Variants in KCNA2 observed in about 807,000 individuals in gnomAD.
The protein encoded by KCNA2 is potassium voltage-gated channel subfamily A member 2.
KCNA2 carries 11 observed loss-of-function variants against 33.4 expected under a neutral mutation model. The observed-to-expected ratio is 0.33, with a 90% confidence interval of 0.21 to 0.55. The LOEUF is 0.55. Among genes scored for constraint, KCNA2 ranks in the 20% least tolerant of loss-of-function variants. The pLI is 0.93. For synonymous variants in KCNA2, 222 were observed against 231.3 expected (o/e 0.96, Z 0.37); for missense variants, 291 against 621.6 (o/e 0.47, Z 5.66).
In KCNA2 at chr1:110,603,985, G is replaced by A. The variant is rs1346139352; in HGVS notation, c.798C>T (p.Tyr266=). The A allele has an allele frequency of 1.2e-5, 19 of 1,614,226 alleles. No homozygotes were observed. The highest frequency in any genetic ancestry group is 1.6e-5 in the Non-Finnish European group (19 of 1,180,036). The change falls in exon 3 of 3, where the codon TAC becomes TAT. Residue 266 remains tyrosine (Y), a synonymous_variant. Transcript: ENST00000316361. This position sits in a 1 kb window ranked among gnomAD's most constrained non-coding sequence, Gnocchi z 5.7. ...CCAACTCTGTCCCCAGGGTGATGAA[G>A]TAGGGGATGATGGCCACAATGTCAA... is the stretch of plus-strand genomic sequence containing the variant. ...NIIDIVAIIP[Y]FITLGTELAE...
chr1:110,604,897 AG>A lies in KCNA2; in HGVS notation c.-116del. On this transcript the variant is annotated 5_prime_UTR_variant, in exon 3 of 3. Transcript: ENST00000316361. This position sits in a 1 kb window ranked among gnomAD's most constrained non-coding sequence, Gnocchi z 7.6. The stretch of plus-strand genomic sequence containing the variant: ...CAGGAGCATTGGCCTGGTCTCCTGC[AG>A]GAGAGCCCCGAGAGCTCTCTGAGAG... The A allele has an allele frequency of 1.0e-6, 1 of 987,646 alleles. No individual in the cohort carries two copies. The highest frequency in any genetic ancestry group is 1.5e-6 in the Non-Finnish European group (1 of 655,734). The allele number at this position is 987,646 out of a possible 1,614,324, so 61.2% of individuals were successfully genotyped here.
At position 110,602,047 on chromosome 1, in the gene KCNA2, C is replaced by T. The variant is rs1283364881; in HGVS notation, c.*1236G>A. 2 of 1,550,420 alleles carry T rather than the reference C, an allele frequency of 1.3e-6. No individual in the cohort carries two copies. The highest frequency in any genetic ancestry group is 3.9e-5 in the Admixed American group (2 of 50,996). ...CCACAGACCTGCCTGTCATCAGGAC[C>T]AGATGCCCTGGTCCACTGTACAGTC... On this transcript the variant is annotated 3_prime_UTR_variant, in exon 3 of 3. Transcript: ENST00000316361.
chr1:110,594,556 C>T lies in KCNA2; in HGVS notation c.*8727G>A. On this transcript the variant is annotated 3_prime_UTR_variant, in exon 3 of 3. Transcript: ENST00000316361. ...GAGAGGGGTGCAGGGATGCAGAAAA[C>T]CAGGAAGAGGCCAATTTGGCTGGGG... 3 of 985,332 alleles carry T rather than the reference C, an allele frequency of 3.0e-6. No homozygotes were observed. The highest frequency in any genetic ancestry group is 3.6e-6 in the Non-Finnish European group (3 of 829,926). The allele number at this position is 985,332 out of a possible 1,614,324, so 61.0% of individuals were successfully genotyped here.
intron 1 of KCNA2, among the ~76,000 whole-genome samples, chr1:110,612,622 A>G (rs1649912575): frequency 6.6e-6 from 1 of 152,094 alleles, no homozygotes; most frequent in African/African-American, 2.4e-5. Context: ...CTGTCTTCAG[A>G]CTTGTTCCCC....
In KCNA2 at chr1:110,602,818, A is replaced by C. The variant is rs1649418126; in HGVS notation, c.*465T>G. ...CAGGACTGTGTGTTCTTTTCAATGCAAAAATGAGTATGACCTTTTGAACAA... is the reference window on the plus strand; with the variant it reads ...CAGGACTGTGTGTTCTTTTCAATGCCAAAATGAGTATGACCTTTTGAACAA... On this transcript the variant is annotated 3_prime_UTR_variant, in exon 3 of 3. Transcript: ENST00000316361. 1.0e-6 allele frequency: 1 copy of C among 997,798 alleles called. No homozygotes were observed. The highest frequency in any genetic ancestry group is 4.5e-5 in the South Asian group (1 of 21,984). 61.8% of individuals were successfully genotyped at this position (997,798 alleles called of 1,614,324 possible). A position where few individuals can be genotyped will look rare whatever the true frequency, so the allele number is the denominator to read the frequency against.
chr1:110,623,522 C>T (rs541019390), intron 1 of KCNA2, among the ~76,000 whole-genome samples: 4 of 152,230 alleles, frequency 2.6e-5, no homozygotes, highest in Admixed American at 2.0e-4. Context: ...AAAATGAAAA[C>T]ATAGATCCAA....
Position 110,604,284 on chromosome 1 carries a change from T to C in KCNA2, c.499A>G (p.Ile167Val). 1 of 1,614,090 alleles carries C rather than the reference T, an allele frequency of 6.2e-7. No individual in the cohort carries two copies. Reference sequence around the variant, plus strand: ...ATCAGAATCACCATGACAGACACAATAGCTATAATCCTGGCAGGCCCTGAG... The same window carrying C: ...ATCAGAATCACCATGACAGACACAACAGCTATAATCCTGGCAGGCCCTGAG... ...ESSGPARIIA[I>V]VSVMVILISI... Residue 167 changes from isoleucine (I) to valine (V), a missense_variant, in exon 3 of 3, where the codon ATT (isoleucine) becomes GTT (valine). Physicochemically the swap from Ile to Val is conservative, Grantham distance 29. Coordinates refer to ENST00000316361, the MANE Select transcript of KCNA2 (RefSeq NM_004974.4). The surrounding 1 kb of genome is among the most constrained non-coding windows in gnomAD (Gnocchi z 7.6).
In KCNA2 at chr1:110,599,167, G is replaced by T. The variant is rs1649230777; in HGVS notation, c.*4116C>A. 1.1e-5 allele frequency: 11 copies of T among 985,450 alleles called. No homozygotes were observed. The highest frequency in any genetic ancestry group is 1.3e-5 in the Non-Finnish European group (11 of 829,934). The allele number at this position is 985,450 out of a possible 1,614,324, so 61.0% of individuals were successfully genotyped here. A position where few individuals can be genotyped will look rare whatever the true frequency, so the allele number is the denominator to read the frequency against. On this transcript the variant is annotated 3_prime_UTR_variant, in exon 3 of 3. Transcript: ENST00000316361. The stretch of plus-strand genomic sequence containing the variant: ...TGCAGGAGCAGAAATCAGGAGTGAG[G>T]CCTGATCCAAAGCCTGACTGCAACT...
chr1:110,594,836 C>G lies in KCNA2; in HGVS notation c.*8447G>C, dbSNP rs1649027836. ...AGCCTGGAGCTGATGTGCTCCTTTCCAGCCCCACCTGGCAGGTCAAAGTCC... is the reference window on the plus strand; with the variant it reads ...AGCCTGGAGCTGATGTGCTCCTTTCGAGCCCCACCTGGCAGGTCAAAGTCC... On this transcript the variant is annotated 3_prime_UTR_variant, in exon 3 of 3. Transcript: ENST00000316361. 1.0e-6 allele frequency: 1 copy of G among 984,880 alleles called. No individual in the cohort carries two copies. Among genetic ancestry groups the G allele is most frequent in the Non-Finnish European group, 1.2e-6 (1 of 829,950 alleles). The allele number at this position is 984,880 out of a possible 1,614,324, so 61.0% of individuals were successfully genotyped here.
At chr1:110,609,957 G>A (rs543695146), upstream of KCNA2, among the ~76,000 whole-genome samples, 5 of 152,296 alleles carry the variant, frequency 3.3e-5, no homozygotes, top group South Asian at 1.0e-3. Context: ...ACTTTACAGG[G>A]TAGTAAGGAC....
At chr1:110,606,667 G>A (rs962997981), upstream of KCNA2, 10 of 152,278 alleles carry the variant, frequency 6.6e-5, no homozygotes, top group African/African-American at 2.4e-4. Context: ...TTAAGCCCCC[G>A]GCGTCCAGCC....
intron 1 of KCNA2, among the ~76,000 whole-genome samples, chr1:110,612,253 C>G (rs1224487090): frequency 6.6e-6 from 1 of 152,112 alleles, no homozygotes; most frequent in South Asian, 2.1e-4. Context: ...GTGATCTCAT[C>G]GTTGTGCAAA....
Position 110,620,093 on chromosome 1 carries a change from T to TGAGAGTGA in KCNA2, c.-496+11301_-496+11302insTCACTCTC, listed in dbSNP as rs1553182968. ...GAGAGAGAGAGAGAGAGAGAGTGAG[T>TGAGAGTGA]GAGAGAGAGAGAGAGAAATTTGGTG... is the stretch of plus-strand genomic sequence containing the variant. On this transcript the variant is annotated intron_variant, in intron 1 of 4. Coordinates refer to the KCNA2 transcript ENST00000369770. Among the ~76,000 whole-genome samples, 772 of 121,890 alleles carry TGAGAGTGA rather than the reference T, an allele frequency of 6.3e-3. 6 individuals carry two copies. The highest frequency in any genetic ancestry group is 0.024 in the African/African-American group (729 of 30,456). 80.0% of individuals were successfully genotyped at this position (121,890 alleles called of 152,430 possible).
In KCNA2 at chr1:110,601,377, T is replaced by C; in HGVS notation, c.*1906A>G. On this transcript the variant is annotated 3_prime_UTR_variant, in exon 3 of 3. Coordinates refer to ENST00000316361, the MANE Select transcript of KCNA2 (RefSeq NM_004974.4). The stretch of plus-strand genomic sequence containing the variant: ...TTCAAAGCAGGGGATCCATTCTGGC[T>C]CTTTAGCGAAAGGTTTGTGAAAGTG... 1.0e-6 allele frequency: 1 copy of C among 985,442 alleles called. No homozygotes were observed. The highest frequency in any genetic ancestry group is 1.2e-6 in the Non-Finnish European group (1 of 829,930). 61.0% of individuals were successfully genotyped at this position (985,442 alleles called of 1,614,324 possible).
At chr1:110,607,472 G>A (rs1649707338), upstream of KCNA2, 1 of 152,372 alleles carries the variant, frequency 6.6e-6, no homozygotes, top group African/African-American at 2.4e-5. Flanking sequence ...GGGCCGGCGG[G>A]GGCCGGGGCC....
In KCNA2 at chr1:110,594,911, T is replaced by C; in HGVS notation, c.*8372A>G. ...AAGGCAGTAATGTTAGCAGCTGACA[T>C]GGAAATTGTTTGGTAGCAAAGTGCG... On this transcript the variant is annotated 3_prime_UTR_variant, in exon 3 of 3. Coordinates refer to ENST00000316361, the MANE Select transcript of KCNA2 (RefSeq NM_004974.4). The C allele has an allele frequency of 5.1e-6, 5 of 985,426 alleles. No individual in the cohort carries two copies. The highest frequency in any genetic ancestry group is 6.0e-6 in the Non-Finnish European group (5 of 829,934). 61.0% of individuals were successfully genotyped at this position (985,426 alleles called of 1,614,324 possible). A position where few individuals can be genotyped will look rare whatever the true frequency, so the allele number is the denominator to read the frequency against.
At position 110,594,049 on chromosome 1, in the gene KCNA2, C is replaced by A. The variant is rs1648980333; in HGVS notation, c.*9234G>T. The A allele has an allele frequency of 1.3e-6, 2 of 1,494,530 alleles. No homozygotes were observed. Among genetic ancestry groups the A allele is most frequent in the South Asian group, 2.7e-5 (2 of 73,706 alleles). The allele number at this position is 1,494,530 out of a possible 1,614,324, so 92.6% of individuals were successfully genotyped here. ...CCAGCCTCTTATCACCATGGAGACC[C>A]CAGTTCCCTTTCGGCATCATCCTTA... On this transcript the variant is annotated 3_prime_UTR_variant, in exon 3 of 3. Coordinates refer to ENST00000316361, the MANE Select transcript of KCNA2 (RefSeq NM_004974.4).
At chr1:110,606,424 C>G (rs1332887315), upstream of KCNA2, 1 of 152,240 alleles carries the variant, frequency 6.6e-6, no homozygotes, top group Non-Finnish European at 1.5e-5. Flanking sequence ...TGGAGGAAGC[C>G]GGCTTCCGGA....
At chr1:110,627,462 T>G (rs887098330) in intron 1 of KCNA2, among the ~76,000 whole-genome samples, 7 of 152,176 alleles carry the variant, frequency 4.6e-5, no homozygotes, top group Admixed American at 6.5e-5. Context: ...GCCTCTTGTT[T>G]ATACGGACAA....
Sources: gnomAD v4.1 joint callset for allele counts (sites outside exome capture counted in the v4.1 genomes callset) on GRCh38, gnomAD v4.1.1 for gene constraint, Gnocchi (gnomAD v3.1) non-coding constraint, MANE v1.5 for transcripts, NCBI Gene and HGNC (gene_info 2026-07-23, HGNC 2026-07-21) for gene names.